WWOX: variants seen among roughly 807,000 people sequenced by gnomAD.
The protein encoded by WWOX is WW domain-containing oxidoreductase.
WWOX carries 69 observed loss-of-function variants against 46.2 expected under a neutral mutation model. The ratio of observed to expected loss-of-function variants is 1.49; its 90% confidence interval spans 1.23 to 1.82. WWOX has a LOEUF of 1.82. Ranked by LOEUF, WWOX falls within the 40% of genes most tolerant of loss-of-function variation. The probability of loss-of-function intolerance (pLI) is 0.00; values close to 1 mark genes in which losing one functional copy is unlikely to be tolerated. For missense variants in WWOX, 919 were observed against 542.6 expected, an observed-to-expected ratio of 1.69 and a Z score of -6.89; for synonymous variants, 359 against 202.6, an observed-to-expected ratio of 1.77 and a Z score of -6.56.
chr16:78,726,351 G>A (rs567000054), intron 8 of WWOX, among the ~76,000 whole-genome samples: 1 of 151,568 alleles, frequency 6.6e-6, no homozygotes, highest in Non-Finnish European at 1.5e-5. Context: ...TCAGCCTCCC[G>A]GGTAGCTGGG....
chr16:78,888,943 C>G (rs1327253628), intron 8 of WWOX, among the ~76,000 whole-genome samples: 1 of 149,016 alleles, frequency 6.7e-6, no homozygotes, highest in Non-Finnish European at 1.5e-5. Context: ...CCCCAAGCCC[C>G]ATAATCTCCC....
chr16:78,876,834 A>G (rs2044243648), intron 8 of WWOX, among the ~76,000 whole-genome samples: 1 of 152,232 alleles, frequency 6.6e-6, no homozygotes, highest in Non-Finnish European at 1.5e-5. Context: ...TCATCTTAAC[A>G]GCTTGGCAAA....
intron 8 of WWOX, among the ~76,000 whole-genome samples, chr16:78,544,830 G>A (rs563605153): frequency 4.6e-5 from 7 of 152,180 alleles, no homozygotes; most frequent in East Asian, 1.9e-4. Context: ...AGCTGTGATC[G>A]CTCCACTGCA....
At chr16:78,300,578 G>A (rs562585954) in intron 5 of WWOX, among the ~76,000 whole-genome samples, 3 of 144,026 alleles carry the variant, frequency 2.1e-5, no homozygotes, top group South Asian at 2.2e-4. Flanking sequence ...TCTTCCTTTC[G>A]CATCTGACAT....
At chr16:78,484,352 C>G (rs938090682) in intron 8 of WWOX, among the ~76,000 whole-genome samples, 1 of 151,870 alleles carries the variant, frequency 6.6e-6, no homozygotes, top group Admixed American at 6.6e-5. Context: ...CCAAGTATAC[C>G]TATTCCCCAG....
intron 8 of WWOX, chr16:78,552,233 G>C (rs370214869): frequency 6.6e-6 from 1 of 152,106 alleles, no homozygotes. Flanking sequence ...TTGTAATGCC[G>C]TTCCGATGAG....
At chr16:79,155,130 C>T (rs1297660079) in intron 8 of WWOX, among the ~76,000 whole-genome samples, 1 of 152,202 alleles carries the variant, frequency 6.6e-6, no homozygotes, top group Non-Finnish European at 1.5e-5. Context: ...GTAATCCCAG[C>T]ACTTTGGGAG....
chr16:79,116,684 T>G (rs2150667552), intron 8 of WWOX, among the ~76,000 whole-genome samples: 1 of 152,210 alleles, frequency 6.6e-6, no homozygotes, highest in South Asian at 2.1e-4. Flanking sequence ...CCACTAACTT[T>G]TGAACCCCTC....
chr16:78,507,621 C>G (rs2085244288), intron 8 of WWOX, among the ~76,000 whole-genome samples: 1 of 152,164 alleles, frequency 6.6e-6, no homozygotes, highest in Non-Finnish European at 1.5e-5. Flanking sequence ...CACCCCCATA[C>G]TCGACATTCT....
intron 8 of WWOX, among the ~76,000 whole-genome samples, chr16:79,052,838 T>G (rs1211024983): frequency 6.6e-6 from 1 of 152,142 alleles, no homozygotes; most frequent in Non-Finnish European, 1.5e-5. Context: ...AGCAAGCATT[T>G]CTAACAATCA....
chr16:78,403,318 A>T (rs2082456438), intron 6 of WWOX, among the ~76,000 whole-genome samples: 1 of 152,220 alleles, frequency 6.6e-6, no homozygotes, highest in African/African-American at 2.4e-5. Context: ...TCTTTGCATG[A>T]TGTGAATGAA....
intron 8 of WWOX, among the ~76,000 whole-genome samples, chr16:79,081,840 C>T (rs1443064430): frequency 1.3e-5 from 2 of 152,250 alleles, no homozygotes; most frequent in East Asian, 1.9e-4. Context: ...AAGCAGATTG[C>T]TTCCTCCCAC....
At chr16:78,325,025 A>T (rs1375832795) in intron 5 of WWOX, among the ~76,000 whole-genome samples, 2 of 152,190 alleles carry the variant, frequency 1.3e-5, no homozygotes, top group African/African-American at 4.8e-5. Flanking sequence ...GGGCACAAAA[A>T]CCCATTCCTC....
intron 7 of WWOX, among the ~76,000 whole-genome samples, chr16:78,430,205 G>A (rs972414586): frequency 2.6e-5 from 4 of 152,038 alleles, no homozygotes; most frequent in Non-Finnish European, 4.4e-5. Context: ...ATCAGATTTC[G>A]TGAGACTTAT....
intron 8 of WWOX, among the ~76,000 whole-genome samples, chr16:79,068,485 A>C (rs981777831): frequency 5.3e-5 from 8 of 151,852 alleles, no homozygotes; most frequent in African/African-American, 1.9e-4. Flanking sequence ...GGTTTTCAGA[A>C]AGCACTGCAC....
chr16:78,771,894 T>C (rs1341857005), intron 8 of WWOX, among the ~76,000 whole-genome samples: 1 of 152,216 alleles, frequency 6.6e-6, no homozygotes, highest in African/African-American at 2.4e-5. Context: ...TGACAAATTT[T>C]GTGTTACATA....
chr16:78,617,571 CT>C (rs1384066885), intron 8 of WWOX, among the ~76,000 whole-genome samples: 3 of 152,144 alleles, frequency 2.0e-5, no homozygotes, highest in Non-Finnish European at 4.4e-5. Flanking sequence ...TGAGGACGTG[CT>C]TGTGTGTGTT....
intron 8 of WWOX, among the ~76,000 whole-genome samples, chr16:78,433,068 G>C: frequency 6.6e-6 from 1 of 152,148 alleles, no homozygotes; most frequent in Non-Finnish European, 1.5e-5. Flanking sequence ...CAGAAACTTT[G>C]AAAATCTATT....
intron 6 of WWOX, among the ~76,000 whole-genome samples, chr16:78,401,611 A>G (rs947471871): frequency 2.8e-4 from 42 of 152,168 alleles, no homozygotes; most frequent in Non-Finnish European, 7.4e-5. Flanking sequence ...ACTGAAGGCT[A>G]CTTAACGCAT....
Sources: allele counts gnomAD v4.1 joint callset (sites outside exome capture counted in the v4.1 genomes callset), GRCh38; gene constraint gnomAD v4.1.1; transcripts MANE v1.5; gene names NCBI Gene and HGNC (gene_info 2026-07-23, HGNC 2026-07-21).